SOX13: variants seen among roughly 807,000 people sequenced by gnomAD.
The protein encoded by SOX13 is SRY-box transcription factor 13, also known as transcription factor SOX-13.
SOX13 carries 28 observed loss-of-function variants against 71.8 expected under a neutral mutation model. That is an observed-to-expected ratio of 0.39 (90% CI 0.29 to 0.53). The LOEUF is 0.53. Ranked by LOEUF, SOX13 falls within the 20% of genes least tolerant of loss-of-function variation. SOX13 has a pLI of 0.70. For missense variants in SOX13, 627 were observed against 810.3 expected (o/e 0.77, Z 2.75); for synonymous variants, 309 against 317.8 (o/e 0.97, Z 0.29).
At chr1:204,097,733 C>T (rs1656281609) in intron 1 of SOX13, among the ~76,000 whole-genome samples, 1 of 150,936 alleles carries the variant, frequency 6.6e-6, no homozygotes, top group South Asian at 2.1e-4. Context: ...AAAAAACTTG[C>T]TTATGAATGA....
intron 1 of SOX13, among the ~76,000 whole-genome samples, chr1:204,098,952 A>G (rs11240665): frequency 0.43 from 65,562 of 152,118 alleles, 15,231 homozygotes; most frequent in East Asian, 0.62. Context: ...TAGCCTGTGA[A>G]ACCAGGGGTT....
At position 204,123,324 on chromosome 1, in the gene SOX13, A is replaced by G. The variant is rs1276292487; in HGVS notation, c.1231+116A>G. 24 of 835,610 alleles carry G rather than the reference A, an allele frequency of 2.9e-5. 1 individual carries two copies. The highest frequency in any genetic ancestry group is 2.4e-4 in the East Asian group (10 of 41,010). The allele number at this position is 835,610 out of a possible 1,614,324, so 51.8% of individuals were successfully genotyped here. On this transcript the variant is annotated intron_variant, in intron 11 of 13. Coordinates refer to ENST00000367204, the MANE Select transcript of SOX13 (RefSeq NM_005686.3). The surrounding 1 kb of genome is among the most constrained non-coding windows in gnomAD (Gnocchi z 5.0). Reference sequence around the variant, plus strand: ...TCCCTTGGTCTGTTGGGTCCTTTCCAGGTGTGTGTGCCTCTGCTGTCCCAT... The same window carrying G: ...TCCCTTGGTCTGTTGGGTCCTTTCCGGGTGTGTGTGCCTCTGCTGTCCCAT...
At chr1:204,076,483 A>T (rs1655787765) in intron 1 of SOX13, among the ~76,000 whole-genome samples, 1 of 152,130 alleles carries the variant, frequency 6.6e-6, no homozygotes, top group South Asian at 2.1e-4. Flanking sequence ...ATTTGGGGTG[A>T]GGGGCAAAAG....
At chr1:204,122,627 A>C (rs76100196) in intron 9 of SOX13, 6,199 of 600,304 alleles carry the variant, frequency 0.01, 133 homozygotes, top group East Asian at 0.047. Context: ...TCCAGGGGGT[A>C]CTGTTGTCAT....
chr1:204,100,678 C>A (rs184719818), intron 1 of SOX13, among the ~76,000 whole-genome samples: 1 of 150,314 alleles, frequency 6.7e-6, no homozygotes, highest in African/African-American at 2.5e-5. Flanking sequence ...GGAGAGGAAA[C>A]GCAGCCTTTG....
intron 1 of SOX13, among the ~76,000 whole-genome samples, chr1:204,090,522 C>A (rs1656120793): frequency 6.6e-6 from 1 of 151,772 alleles, no homozygotes; most frequent in Admixed American, 6.6e-5. Flanking sequence ...GATTCTCCTG[C>A]CTTGGCCTCC....
intron 12 of SOX13, among the ~76,000 whole-genome samples, chr1:204,124,406 C>T (rs1033492328): frequency 2.0e-5 from 3 of 152,264 alleles, no homozygotes; most frequent in Non-Finnish European, 4.4e-5. Flanking sequence ...TTGTTAGGAA[C>T]ATGGGTGGGT....
rs1656945346 is a variant in SOX13 at position 204,127,516 on chromosome 1, C to G, written c.*1382C>G. Reference sequence around the variant, plus strand: ...TTGGATCAGTATGGGAACCCCAAATCCCACAGGGCCAGATGTGGAGTCTGT... The same window carrying G: ...TTGGATCAGTATGGGAACCCCAAATGCCACAGGGCCAGATGTGGAGTCTGT... On this transcript the variant is annotated 3_prime_UTR_variant, in exon 14 of 14. Coordinates refer to ENST00000367204, the MANE Select transcript of SOX13 (RefSeq NM_005686.3). 1 of 152,658 alleles carries G rather than the reference C, an allele frequency of 6.6e-6. No homozygotes were observed. Among genetic ancestry groups the G allele is most frequent in the African/African-American group, 2.4e-5 (1 of 41,442 alleles). The allele number at this position is 152,658 out of a possible 1,614,324, so 9.5% of individuals were successfully genotyped here. A position where few individuals can be genotyped will look rare whatever the true frequency, so the allele number is the denominator to read the frequency against.
At chr1:204,115,904 G>T (rs1656682998) in intron 4 of SOX13, among the ~76,000 whole-genome samples, 1 of 151,934 alleles carries the variant, frequency 6.6e-6, no homozygotes, top group South Asian at 2.1e-4. Context: ...GACCTCAAGT[G>T]ATCCACCTGT....
intron 1 of SOX13, among the ~76,000 whole-genome samples, chr1:204,089,344 A>G (rs1361063721): frequency 1.3e-5 from 2 of 152,182 alleles, no homozygotes; most frequent in Admixed American, 1.3e-4. Flanking sequence ...TGGCATTCCC[A>G]TGCGAGCCCA....
At chr1:204,098,280 C>T (rs1656294661) in intron 1 of SOX13, among the ~76,000 whole-genome samples, 1 of 152,204 alleles carries the variant, frequency 6.6e-6, no homozygotes, top group Non-Finnish European at 1.5e-5. Flanking sequence ...GAGTTCGAAA[C>T]TAGCCTGACC....
chr1:204,116,820 T>A, intron 5 of SOX13, 141 bp downstream of exon 5: 1 of 1,434,784 alleles, frequency 7.0e-7, no homozygotes, highest in African/African-American at 1.4e-5. Flanking sequence ...GGCCAGGGGC[T>A]GTAGGATTCC....
chr1:204,105,413 C>CTTTTTTTTTTTTTTTTTT (rs35841451), intron 1 of SOX13, among the ~76,000 whole-genome samples: 20 of 137,974 alleles, frequency 1.4e-4, no homozygotes, highest in African/African-American at 5.8e-4. Flanking sequence ...TGTATAATCT[C>CTTTTTTTTTTTTTTTTTT]TTTTTTTTTT....
In SOX13 at chr1:204,122,517, G is replaced by A. The variant is rs559299456; in HGVS notation, c.1024+118G>A. On this transcript the variant is annotated intron_variant, in intron 9 of 13. Coordinates refer to ENST00000367204, the MANE Select transcript of SOX13 (RefSeq NM_005686.3). Reference sequence around the variant, plus strand: ...GGGTTCCAGATTTTATCAAATGAGGGGTTAGACTTGCTCTTAGCAGAAGAT... The same window carrying A: ...GGGTTCCAGATTTTATCAAATGAGGAGTTAGACTTGCTCTTAGCAGAAGAT... The A allele has an allele frequency of 4.5e-5, 35 of 779,246 alleles. No individual in the cohort carries two copies. The East Asian group carries it at 7.3e-4, about 16-fold the overall frequency. 48.3% of individuals were successfully genotyped at this position (779,246 alleles called of 1,614,324 possible).
chr1:204,097,395 A>C (rs1050219235), intron 1 of SOX13, among the ~76,000 whole-genome samples: 4 of 152,142 alleles, frequency 2.6e-5, no homozygotes, highest in Admixed American at 2.6e-4. Context: ...AATAAATATA[A>C]AAACTTGCTT....
At chr1:204,090,981 C>T (rs1271364359) in intron 1 of SOX13, among the ~76,000 whole-genome samples, 1 of 152,108 alleles carries the variant, frequency 6.6e-6, no homozygotes, top group Non-Finnish European at 1.5e-5. Context: ...TGGACACGGG[C>T]CGAGGAGCTA....
At chr1:204,122,758 T>G (rs1179559978) in intron 9 of SOX13, 96 bp from the exon 10 acceptor site, 2 of 732,590 alleles carry the variant, frequency 2.7e-6, no homozygotes, top group Admixed American at 2.8e-5. Context: ...CTCATGGGAG[T>G]GGCATGGCGG....
intron 1 of SOX13, among the ~76,000 whole-genome samples, chr1:204,103,921 A>G (rs1168321737): frequency 2.0e-5 from 3 of 152,192 alleles, no homozygotes; most frequent in Non-Finnish European, 2.9e-5. Flanking sequence ...GGGAGCCTCA[A>G]TGGCGCTTTC....
Position 204,114,646 on chromosome 1 carries a change from T to A in SOX13, c.418+41T>A, listed in dbSNP as rs370499277. 82 of 1,459,466 alleles carry A rather than the reference T, an allele frequency of 5.6e-5. No homozygotes were observed. The African/African-American group carries it at 1.0e-3, about 19-fold the overall frequency. The allele number at this position is 1,459,466 out of a possible 1,614,324, so 90.4% of individuals were successfully genotyped here. A position where few individuals can be genotyped will look rare whatever the true frequency, so the allele number is the denominator to read the frequency against. Reference sequence around the variant, plus strand: ...GGGTGGGGGAGATGTTTGAACCCCATCTCTCTTCTCCTGGTCTGGCCACGC... The same window carrying A: ...GGGTGGGGGAGATGTTTGAACCCCAACTCTCTTCTCCTGGTCTGGCCACGC... On this transcript the variant is annotated intron_variant, in intron 4 of 13. Transcript: ENST00000367204.
Sources: gnomAD v4.1 joint callset for allele counts (sites outside exome capture counted in the v4.1 genomes callset) on GRCh38, gnomAD v4.1.1 for gene constraint, Gnocchi (gnomAD v3.1) non-coding constraint, MANE v1.5 for transcripts, NCBI Gene and HGNC (gene_info 2026-07-23, HGNC 2026-07-21) for gene names.